SLC22A16: variants seen among roughly 807,000 people sequenced by gnomAD.
SLC22A16 encodes the protein solute carrier family 22 member 16, also known as WUGSC:RG331P03.1.
Under a neutral mutation model 52.9 loss-of-function variants are expected in SLC22A16, and 53 were observed. The ratio of observed to expected loss-of-function variants is 1.00; its 90% confidence interval spans 0.80 to 1.26. The LOEUF (loss-of-function observed/expected upper bound fraction) is 1.26, where lower values mean the gene tolerates loss of function less well. Ranked by LOEUF, SLC22A16 falls within the 50% of genes most tolerant of loss-of-function variation. The pLI is 0.00. For missense variants in SLC22A16, 726 were observed against 704.0 expected, an observed-to-expected ratio of 1.03 and a Z score of -0.35; for synonymous variants, 291 against 268.8, an observed-to-expected ratio of 1.08 and a Z score of -0.81.
intron 1 of SLC22A16, 23 bp downstream of exon 1, chr6:110,476,499 G>GTGCC (rs1554229866): frequency 5.4e-6 from 2 of 369,750 alleles, no homozygotes; most frequent in South Asian, 2.7e-5. Flanking sequence ...CCCGCGTGGC[G>GTGCC]CCGCGGGGCC....
At position 110,457,000 on chromosome 6, in the gene SLC22A16, T is replaced by G; in HGVS notation, c.71A>C (p.Tyr24Ser). Residue 24 changes from tyrosine (Y) to serine (S), a missense_variant, in exon 2 of 8, where the codon TAT becomes TCT. Physicochemically the swap from Tyr to Ser is moderately radical, Grantham distance 144. Coordinates refer to ENST00000368919, the MANE Select transcript of SLC22A16 (RefSeq NM_033125.4). ...GATGTTCTGGAAGGCACATATGAAA[T>G]AGAGGACTCTCTGGAATCTGCAAGA... Reference protein sequence around the residue: ...GHFGRFQRVLYFICAFQNISC... With the variant: ...GHFGRFQRVLSFICAFQNISC... 6.5e-7 allele frequency: 1 copy of G among 1,537,264 alleles called. No homozygotes were observed. Among genetic ancestry groups the G allele is most frequent in the Non-Finnish European group, 8.7e-7 (1 of 1,144,850 alleles).
chr6:110,467,302 T>C (rs942433977), intron 1 of SLC22A16, among the ~76,000 whole-genome samples: 2 of 152,178 alleles, frequency 1.3e-5, no homozygotes, highest in Non-Finnish European at 2.9e-5. Context: ...CACTCATTTA[T>C]GCATTTTCTA....
chr6:110,475,136 T>C (rs1317063361), intron 1 of SLC22A16: 1 of 393,306 alleles, frequency 2.5e-6, no homozygotes, highest in Non-Finnish European at 5.0e-6. Flanking sequence ...ACTGATCTTT[T>C]AACCTCTGTG....
intron 5 of SLC22A16, 24 bp downstream of exon 5, chr6:110,438,694 CTT>C (rs1224618724): frequency 6.2e-7 from 1 of 1,604,726 alleles, no homozygotes; most frequent in Non-Finnish European, 8.5e-7. Context: ...GTATAACTGT[CTT>C]ATAAAAAACA....
chr6:110,443,704 G>T lies in SLC22A16; in HGVS notation c.652-929C>A, dbSNP rs374535133. On this transcript the variant is annotated intron_variant, in intron 3 of 7. Coordinates refer to ENST00000368919, the MANE Select transcript of SLC22A16 (RefSeq NM_033125.4). ...TATATACCCAAAGGAATTGAAAGTG[G>T]GGTCTGGAAGAGATGTTTGCACATG... Among the ~76,000 whole-genome samples, 252 of 152,288 alleles carry T rather than the reference G, an allele frequency of 1.7e-3. 2 individuals are homozygous for T. Among genetic ancestry groups the T allele is most frequent in the African/African-American group, 5.9e-3 (246 of 41,554 alleles).
chr6:110,465,493 C>T (rs1776030212), intron 1 of SLC22A16, among the ~76,000 whole-genome samples: 1 of 151,980 alleles, frequency 6.6e-6, no homozygotes, highest in Non-Finnish European at 1.5e-5. Flanking sequence ...CATTTCTATA[C>T]AACACTCAAG....
chr6:110,437,800 C>T (rs1179081451), intron 5 of SLC22A16, among the ~76,000 whole-genome samples: 3 of 149,616 alleles, frequency 2.0e-5, no homozygotes, highest in South Asian at 4.2e-4. Context: ...TTTTGAGGGA[C>T]GCAGTTTGCC....
At chr6:110,448,572 C>T (rs1775261635) in intron 2 of SLC22A16, among the ~76,000 whole-genome samples, 1 of 152,176 alleles carries the variant, frequency 6.6e-6, no homozygotes, top group Non-Finnish European at 1.5e-5. Flanking sequence ...CTTCTTTGCT[C>T]CTTTGCACAT....
At chr6:110,460,827 G>A (rs139787555) in intron 1 of SLC22A16, among the ~76,000 whole-genome samples, 20 of 152,266 alleles carry the variant, frequency 1.3e-4, no homozygotes, top group South Asian at 2.1e-4. Context: ...GGGGAGCTGC[G>A]GGAACCCCAG....
intron 7 of SLC22A16, among the ~76,000 whole-genome samples, chr6:110,430,644 C>G (rs9481070): frequency 3.3e-5 from 5 of 152,138 alleles, no homozygotes; most frequent in African/African-American, 1.2e-4. Flanking sequence ...GCAAACTAAG[C>G]GTCCCTGCTC....
intron 1 of SLC22A16, 63 bp downstream of exon 1, chr6:110,476,459 C>T: frequency 6.9e-7 from 1 of 1,440,570 alleles, no homozygotes; most frequent in Non-Finnish European, 9.1e-7. Flanking sequence ...CCCGCCGCAA[C>T]GGAAAGAAAC....
chr6:110,444,677 C>G (rs925024098), intron 3 of SLC22A16, among the ~76,000 whole-genome samples: 1 of 152,184 alleles, frequency 6.6e-6, no homozygotes, highest in Non-Finnish European at 1.5e-5. Flanking sequence ...AGGGTTGACA[C>G]TAGCAGGAGG....
intron 1 of SLC22A16, among the ~76,000 whole-genome samples, chr6:110,469,548 A>C (rs1776191113): frequency 6.6e-6 from 1 of 152,254 alleles, no homozygotes; most frequent in Non-Finnish European, 1.5e-5. Context: ...ACCCTGTCTC[A>C]AAAATAAATA....
chr6:110,474,880 C>T (rs1360568272), intron 1 of SLC22A16: 3 of 513,800 alleles, frequency 5.8e-6, no homozygotes, highest in African/African-American at 5.8e-5. Flanking sequence ...ATATAATTAC[C>T]TCAGCTAATC....
At position 110,462,177 on chromosome 6, in the gene SLC22A16, C is replaced by G. The variant is rs141909646; in HGVS notation, c.54-5160G>C. ...TTCAATCATCTCTCACCACATCCCT[C>G]CCACAACACGTGGGAATTATGGGAG... On this transcript the variant is annotated intron_variant, in intron 1 of 7. Coordinates refer to ENST00000368919, the MANE Select transcript of SLC22A16 (RefSeq NM_033125.4). Among the ~76,000 whole-genome samples, 373 of 152,324 alleles carry G rather than the reference C, an allele frequency of 2.4e-3. 1 individual carries two copies. Among genetic ancestry groups the G allele is most frequent in the African/African-American group, 8.5e-3 (355 of 41,564 alleles).
At chr6:110,469,350 C>A (rs1276433708) in intron 1 of SLC22A16, among the ~76,000 whole-genome samples, 3 of 152,084 alleles carry the variant, frequency 2.0e-5, no homozygotes, top group African/African-American at 7.2e-5. Flanking sequence ...CCTGGTGAAA[C>A]CCCATCTCTA....
In SLC22A16 at chr6:110,476,613, C is replaced by A. The variant is rs774864963; in HGVS notation, c.-39G>T. The A allele has an allele frequency of 4.0e-6, 6 of 1,513,924 alleles. No homozygotes were observed. In the East Asian group the frequency reaches 1.3e-4, roughly 34 times the overall value. The allele number at this position is 1,513,924 out of a possible 1,614,324, so 93.8% of individuals were successfully genotyped here. A position where few individuals can be genotyped will look rare whatever the true frequency, so the allele number is the denominator to read the frequency against. On this transcript the variant is annotated 5_prime_UTR_variant, in exon 1 of 8. Coordinates refer to ENST00000368919, the MANE Select transcript of SLC22A16 (RefSeq NM_033125.4). ...ACTGGGCGCCGAGTTAGCCGAGCTC[C>A]GGGGACTGCGGGTAGCGCGCCCCGC...
intron 7 of SLC22A16, among the ~76,000 whole-genome samples, chr6:110,427,934 C>T (rs774554788): frequency 6.6e-6 from 1 of 152,180 alleles, no homozygotes; most frequent in Non-Finnish European, 1.5e-5. Context: ...GACTGTACAT[C>T]TCTCAAGACA....
Position 110,442,638 on chromosome 6 carries a change from C to G in SLC22A16, c.789G>C (p.Leu263Phe), listed in dbSNP as rs773161306. Residue 263 changes from leucine to phenylalanine, a missense_variant, in exon 4 of 8, where the codon TTG becomes TTC. Transcript: ENST00000368919. ...GTLLVALTGY[L>F]VRTWWLYQMI... is the part of the protein sequence containing the mutation. The stretch of plus-strand genomic sequence containing the variant: ...TCTGGTAAAGCCACCAGGTCCTGAC[C>G]AAGTATCCTGTCAAAGCCACCAGCA... 6.2e-7 allele frequency: 1 copy of G among 1,614,126 alleles called. No homozygotes were observed. Among genetic ancestry groups the G allele is most frequent in the South Asian group, 1.1e-5 (1 of 91,070 alleles).
Sources: gnomAD v4.1 joint callset for allele counts (sites outside exome capture counted in the v4.1 genomes callset) on GRCh38, gnomAD v4.1.1 for gene constraint, MANE v1.5 for transcripts, NCBI Gene and HGNC (gene_info 2026-07-23, HGNC 2026-07-21) for gene names.